Variants in DOCK4 observed in about 807,000 individuals in gnomAD.
DOCK4 encodes the protein dedicator of cytokinesis protein 4.
A neutral mutation model predicts 268.1 loss-of-function variants in DOCK4; 97 were observed. The observed-to-expected ratio is 0.36, with a 90% CI of 0.31 to 0.43. DOCK4 has a LOEUF of 0.43. DOCK4 is among the 20% of genes least tolerant of loss of function. DOCK4 has a pLI of 1.00. For synonymous variants in DOCK4, 954 were observed against 887.2 expected (o/e 1.08, Z -1.34); for missense variants, 2,145 against 2,455.7 (o/e 0.87, Z 2.67).
intron 16 of DOCK4, among the ~76,000 whole-genome samples, chr7:111,877,959 A>G (rs189784278): frequency 1.1e-3 from 168 of 152,322 alleles, no homozygotes; most frequent in South Asian, 8.7e-3. Flanking sequence ...CATTACACCA[A>G]TGCAGGGCAA....
chr7:111,762,173 A>T (rs1005491682), intron 39 of DOCK4, among the ~76,000 whole-genome samples: 1 of 152,132 alleles, frequency 6.6e-6, no homozygotes, highest in African/African-American at 2.4e-5. Flanking sequence ...CATCTTCCTT[A>T]TCAGTACTCT....
chr7:111,785,451 G>C lies in DOCK4; in HGVS notation c.3402-1328C>G, dbSNP rs184037918. The stretch of plus-strand genomic sequence containing the variant: ...GGTAATAATTCTAAAAATACATGGA[G>C]ACTTCTTTTATGGGCATAAGTTTCA... On this transcript the variant is annotated intron_variant, in intron 32 of 52. Coordinates refer to ENST00000428084, the MANE Select transcript of DOCK4 (RefSeq NM_001363540.2). Among the ~76,000 whole-genome samples the C allele has an allele frequency of 2.2e-3, 334 of 152,262 alleles. 2 individuals are homozygous for C. The highest frequency in any genetic ancestry group is 4.3e-3 in the Non-Finnish European group (293 of 68,022).
intron 1 of DOCK4, among the ~76,000 whole-genome samples, chr7:112,125,946 C>G (rs1392731984): frequency 6.6e-6 from 1 of 152,026 alleles, no homozygotes; most frequent in Admixed American, 6.6e-5. Context: ...GTGGCTGGGA[C>G]TATAGGCATG....
In DOCK4 at chr7:111,935,378, T is replaced by C. The variant is rs1031555929; in HGVS notation, c.1066+162A>G. On this transcript the variant is annotated intron_variant, in intron 12 of 52. Coordinates refer to ENST00000428084, the MANE Select transcript of DOCK4 (RefSeq NM_001363540.2). ...GGGAGTTATAAGTACAACCCTATCA[T>C]AGCATAGGAAGACATACCAGAATGT... 2.0e-5 allele frequency: 14 copies of C among 702,798 alleles called. No individual in the cohort carries two copies. The East Asian group carries it at 2.5e-4, about 12-fold the overall frequency. The allele number at this position is 702,798 out of a possible 1,614,324, so 43.5% of individuals were successfully genotyped here.
intron 1 of DOCK4, among the ~76,000 whole-genome samples, chr7:112,081,853 G>A (rs570332982): frequency 2.0e-4 from 30 of 152,282 alleles, no homozygotes; most frequent in African/African-American, 7.0e-4. Context: ...AGTATAAAAT[G>A]TGAAGACCAA....
chr7:112,138,371 A>G (rs1814561493), intron 1 of DOCK4, among the ~76,000 whole-genome samples: 2 of 152,326 alleles, frequency 1.3e-5, no homozygotes, highest in Middle Eastern at 3.4e-3. Context: ...TGGCATACAT[A>G]TGGTATGGGA....
chr7:112,174,241 A>C (rs1370459384), intron 1 of DOCK4, among the ~76,000 whole-genome samples: 3 of 152,120 alleles, frequency 2.0e-5, no homozygotes, highest in Non-Finnish European at 4.4e-5. Flanking sequence ...AAAAGCAGAA[A>C]TCATTCTCTC....
At chr7:112,105,412 ACTT>A (rs1025459765) in intron 1 of DOCK4, among the ~76,000 whole-genome samples, 43 of 152,282 alleles carry the variant, frequency 2.8e-4, no homozygotes, top group Non-Finnish European at 5.1e-4. Context: ...TGTTTGTACA[ACTT>A]CTTAATTCTT....
At chr7:111,767,520 C>G in intron 37 of DOCK4, among the ~76,000 whole-genome samples, 1 of 152,036 alleles carries the variant, frequency 6.6e-6, no homozygotes, top group South Asian at 2.1e-4. Flanking sequence ...CCACCGCGCC[C>G]GTCCACTTCT....
chr7:112,044,255 C>T (rs935049966), intron 1 of DOCK4, among the ~76,000 whole-genome samples: 1 of 152,020 alleles, frequency 6.6e-6, no homozygotes, highest in Non-Finnish European at 1.5e-5. Flanking sequence ...AGTAAGGTTC[C>T]CCCCATTTCT....
At chr7:111,890,115 C>T (rs1808170242) in intron 16 of DOCK4, among the ~76,000 whole-genome samples, 1 of 152,196 alleles carries the variant, frequency 6.6e-6, no homozygotes, top group Admixed American at 6.5e-5. Context: ...TAGTTACTGT[C>T]TTCCTAGGCC....
intron 8 of DOCK4, among the ~76,000 whole-genome samples, chr7:111,955,538 C>T (rs1464772304): frequency 3.3e-5 from 5 of 152,094 alleles, no homozygotes; most frequent in Admixed American, 1.3e-4. Context: ...GAATAACAAG[C>T]CAATTCTTTC....
rs752722570 is a variant in DOCK4 at position 111,747,270 on chromosome 7, T to C, written c.4590A>G (p.Gln1530=). The change falls in exon 43 of 53, where the codon CAA becomes CAG. Residue 1530 remains glutamine, a synonymous_variant. Coordinates refer to ENST00000428084, the MANE Select transcript of DOCK4 (RefSeq NM_001363540.2). ...AACAACAATACCTAATCCTTACCTC[T>C]TGATACCTGGAAACGCCACCATTAA... The part of the protein sequence containing the change: ...AAVNGGVSRY[Q]EAFFVKEYIL... 1.2e-6 allele frequency: 2 copies of C among 1,612,676 alleles called. No individual in the cohort carries two copies. The highest frequency in any genetic ancestry group is 1.7e-6 in the Non-Finnish European group (2 of 1,179,464).
intron 1 of DOCK4, among the ~76,000 whole-genome samples, chr7:112,020,933 T>C (rs1802263495): frequency 6.6e-6 from 1 of 152,212 alleles, no homozygotes; most frequent in South Asian, 2.1e-4. Context: ...TCTATACTTA[T>C]CCAACTATTT....
intron 5 of DOCK4, among the ~76,000 whole-genome samples, chr7:111,991,520 G>A (rs1799522114): frequency 6.6e-6 from 1 of 152,180 alleles, no homozygotes; most frequent in Admixed American, 6.5e-5. Context: ...AAAGTTAATT[G>A]AGAGTATTTT....
At chr7:112,018,781 A>G (rs1238431996) in intron 1 of DOCK4, among the ~76,000 whole-genome samples, 1 of 148,362 alleles carries the variant, frequency 6.7e-6, no homozygotes, top group East Asian at 2.0e-4. Flanking sequence ...TTTCCCCTCT[A>G]CTATGAAACT....
chr7:111,996,444 T>A (rs1008632544), intron 4 of DOCK4, among the ~76,000 whole-genome samples: 10 of 152,214 alleles, frequency 6.6e-5, no homozygotes, highest in Non-Finnish European at 7.3e-5. Flanking sequence ...TATTTCATCC[T>A]AGTGGGCCAT....
chr7:111,870,999 A>ATCAAAATGAAG (rs1806381115), intron 20 of DOCK4, among the ~76,000 whole-genome samples: 1 of 152,262 alleles, frequency 6.6e-6, no homozygotes, highest in Non-Finnish European at 1.5e-5. Flanking sequence ...TGTCAAGTCT[A>ATCAAAATGAAG]ACAAAAATAC....
At chr7:112,189,484 C>G (rs1015954277) in intron 1 of DOCK4, among the ~76,000 whole-genome samples, 1 of 152,090 alleles carries the variant, frequency 6.6e-6, no homozygotes. Flanking sequence ...GGCATTTAAA[C>G]GGAGTCTAGC....
Sources: allele counts gnomAD v4.1 joint callset (sites outside exome capture counted in the v4.1 genomes callset), GRCh38; gene constraint gnomAD v4.1.1; transcripts MANE v1.5; gene names NCBI Gene and HGNC (gene_info 2026-07-23, HGNC 2026-07-21).